WDSUB1: variants seen among roughly 807,000 people sequenced by gnomAD.
WDSUB1 encodes the protein WD repeat, sterile alpha motif and U-box domain containing 1.
A neutral mutation model predicts 53.9 loss-of-function variants in WDSUB1; 49 were observed. That is an observed-to-expected ratio of 0.91 (90% CI 0.72 to 1.15). The LOEUF (loss-of-function observed/expected upper bound fraction) is 1.15. Ranked by LOEUF, WDSUB1 falls within the 50% of genes most tolerant of loss-of-function variation. The pLI, the probability that WDSUB1 is intolerant of heterozygous loss-of-function variation, is 0.00. For synonymous variants in WDSUB1, 194 were observed against 200.6 expected (o/e 0.97, Z 0.28); for missense variants, 514 against 562.0 (o/e 0.91, Z 0.86).
chr2:159,257,059 C>T (rs1407123928), intron 8 of WDSUB1, among the ~76,000 whole-genome samples: 6 of 152,086 alleles, frequency 3.9e-5, no homozygotes, highest in East Asian at 1.9e-4. Flanking sequence ...AGTACAGTGG[C>T]GTGTTCTCAG....
chr2:159,276,427 CATCT>C (rs1262074150), intron 3 of WDSUB1, among the ~76,000 whole-genome samples: 2 of 152,096 alleles, frequency 1.3e-5, no homozygotes, highest in African/African-American at 4.8e-5. Flanking sequence ...AATTTTTTTC[CATCT>C]GATTTAATCA....
chr2:159,244,340 C>T (rs926041242), intron 10 of WDSUB1, among the ~76,000 whole-genome samples: 1 of 151,302 alleles, frequency 6.6e-6, no homozygotes, highest in African/African-American at 2.4e-5. Context: ...ACTAACAGCC[C>T]TACATATCTA....
At chr2:159,264,573 G>A (rs1320215536) in intron 5 of WDSUB1, among the ~76,000 whole-genome samples, 1 of 152,172 alleles carries the variant, frequency 6.6e-6, no homozygotes, top group Admixed American at 6.5e-5. Context: ...TCCCTCTCAT[G>A]CCTAGCGGAA....
intron 9 of WDSUB1, among the ~76,000 whole-genome samples, chr2:159,252,747 C>G (rs10490002): frequency 0.27 from 41,047 of 152,028 alleles, 7,104 homozygotes; most frequent in Admixed American, 0.46. Flanking sequence ...CTTTCAAAAC[C>G]CGAGGATACT....
chr2:159,235,829 A>T lies in WDSUB1; in HGVS notation c.*204T>A. The T allele has an allele frequency of 2.4e-6, 1 of 415,916 alleles. No individual in the cohort carries two copies. The highest frequency in any genetic ancestry group is 4.1e-6 in the Non-Finnish European group (1 of 244,144). 25.8% of individuals were successfully genotyped at this position (415,916 alleles called of 1,614,324 possible). A position where few individuals can be genotyped will look rare whatever the true frequency, so the allele number is the denominator to read the frequency against. On this transcript the variant is annotated 3_prime_UTR_variant, in exon 11 of 11. Transcript: ENST00000359774. ...GTATAACTTTATTTCTATATAGCTGAAGATTCTTTTCACTAGTACAAAAAG... is the reference window on the plus strand; with the variant it reads ...GTATAACTTTATTTCTATATAGCTGTAGATTCTTTTCACTAGTACAAAAAG...
intron 5 of WDSUB1, among the ~76,000 whole-genome samples, chr2:159,261,892 ATATATTTTTTTTTTTTTTTTTTT>A (rs2061231254): frequency 1.5e-4 from 2 of 13,260 alleles, no homozygotes; most frequent in African/African-American, 4.8e-4. Context: ...ATATATATAT[ATATATTTTTTTTTTTTTTTTTTT>A]TTTTTTTTTT....
intron 2 of WDSUB1, among the ~76,000 whole-genome samples, chr2:159,280,771 G>C (rs1331693219): frequency 6.6e-6 from 1 of 151,442 alleles, no homozygotes; most frequent in Non-Finnish European, 1.5e-5. Context: ...AAATGCTGTG[G>C]GCAAGTTAAA....
chr2:159,250,169 AC>A (rs2060920175), intron 9 of WDSUB1, among the ~76,000 whole-genome samples: 1 of 151,750 alleles, frequency 6.6e-6, no homozygotes, highest in Admixed American at 6.6e-5. Flanking sequence ...CGAGTAATAA[AC>A]CGTTTGAGTC....
chr2:159,239,795 C>A (rs944548856), intron 10 of WDSUB1, among the ~76,000 whole-genome samples: 1 of 152,116 alleles, frequency 6.6e-6, no homozygotes, highest in Non-Finnish European at 1.5e-5. Context: ...GTTACTTTTG[C>A]CTACTTACAA....
chr2:159,245,227 C>T (rs1342381856), intron 10 of WDSUB1, among the ~76,000 whole-genome samples: 1 of 152,088 alleles, frequency 6.6e-6, no homozygotes, highest in Non-Finnish European at 1.5e-5. Flanking sequence ...TATCTGACTT[C>T]AAGACTTACT....
intron 9 of WDSUB1, among the ~76,000 whole-genome samples, chr2:159,255,375 A>G (rs1001911036): frequency 1.1e-4 from 16 of 151,976 alleles, no homozygotes; most frequent in Non-Finnish European, 1.9e-4. Context: ...GCTGAGGCAG[A>G]AGAATGGTGT....
rs1381564415 is a variant in WDSUB1, at chr2:159,236,092, T to TAAGTA, written c.1367_1371dup (p.Thr458TyrfsTer8). 2 of 1,614,008 alleles carry TAAGTA rather than the reference T, an allele frequency of 1.2e-6. No individual in the cohort carries two copies. Among genetic ancestry groups the TAAGTA allele is most frequent in the Non-Finnish European group, 1.7e-6 (2 of 1,179,972 alleles). On this transcript the variant is annotated frameshift_variant, in exon 11 of 11. Transcript: ENST00000359774. LOFTEE classifies it high-confidence loss of function. ...GCCATTTTCAGAGTCCTATTTGGTG[T>TAAGTA]AAGTACCGCTGAAGGAAGAACAAGA...
In WDSUB1 at chr2:159,283,094, C is replaced by A. The variant is rs765831675; in HGVS notation, c.-24-1G>T. 2 of 1,578,924 alleles carry A rather than the reference C, an allele frequency of 1.3e-6. No homozygotes were observed. The highest frequency in any genetic ancestry group is 4.5e-5 in the East Asian group (2 of 44,378). ...TGTTCTTTATTTGAAGAAAAACAGC[C>A]TGAAATTTTTAAGCAGATAAAGATT... On this transcript the variant is annotated splice_acceptor_variant, in intron 1 of 10. Coordinates refer to ENST00000359774, the MANE Select transcript of WDSUB1 (RefSeq NM_001128212.3). LOFTEE classifies it low-confidence loss of function (5UTR_SPLICE).
At chr2:159,247,910 AAT>A (rs1300223913) in intron 10 of WDSUB1, among the ~76,000 whole-genome samples, 39 of 17,678 alleles carry the variant, frequency 2.2e-3, no homozygotes, top group African/African-American at 4.9e-3. Context: ...TATATATATA[AAT>A]ATATATATAT....
At chr2:159,246,260 G>A (rs537772618) in intron 10 of WDSUB1, among the ~76,000 whole-genome samples, 4 of 152,032 alleles carry the variant, frequency 2.6e-5, no homozygotes, top group African/African-American at 7.2e-5. Flanking sequence ...GTGAAACCCC[G>A]TCTCTATTAA....
At chr2:159,240,570 G>A (rs984691483) in intron 10 of WDSUB1, among the ~76,000 whole-genome samples, 1 of 152,170 alleles carries the variant, frequency 6.6e-6, no homozygotes, top group East Asian at 1.9e-4. Context: ...CTTTTGAAGT[G>A]CTTATTGCCA....
intron 4 of WDSUB1, among the ~76,000 whole-genome samples, chr2:159,272,993 A>T (rs1056498131): frequency 2.6e-5 from 4 of 152,220 alleles, no homozygotes; most frequent in Non-Finnish European, 5.9e-5. Flanking sequence ...AGGGAAATTT[A>T]TAACTACATC....
intron 9 of WDSUB1, among the ~76,000 whole-genome samples, chr2:159,253,256 A>T (rs1011085526): frequency 1.2e-4 from 19 of 152,220 alleles, no homozygotes; most frequent in African/African-American, 4.6e-4. Context: ...CCCTCTCAAC[A>T]TCAAGGATCT....
chr2:159,245,546 A>AG (rs2060775801), intron 10 of WDSUB1, among the ~76,000 whole-genome samples: 1 of 151,714 alleles, frequency 6.6e-6, no homozygotes, highest in Admixed American at 6.6e-5. Flanking sequence ...AAAAAAAAAA[A>AG]GACTATAAAG....
Sources: gnomAD v4.1 joint callset for allele counts (sites outside exome capture counted in the v4.1 genomes callset) on GRCh38, gnomAD v4.1.1 for gene constraint, MANE v1.5 for transcripts, NCBI Gene and HGNC (gene_info 2026-07-23, HGNC 2026-07-21) for gene names.